Variants in UGT2A2 observed in about 807,000 individuals in gnomAD.
UGT2A2 encodes UDP-glucuronosyltransferase 2A2.
A neutral mutation model predicts 50.7 loss-of-function variants in UGT2A2; 60 were observed. That is an observed-to-expected ratio of 1.18 (90% CI 0.96 to 1.47). The LOEUF (loss-of-function observed/expected upper bound fraction) is 1.47. Among genes scored for constraint, UGT2A2 ranks in the 40% most tolerant of loss-of-function variants. UGT2A2 has a pLI of 0.00. For synonymous variants in UGT2A2, 242 were observed against 214.6 expected, an observed-to-expected ratio of 1.13 and a Z score of -1.11; for missense variants, 762 against 634.0, an observed-to-expected ratio of 1.20 and a Z score of -2.17.
At chr4:69,632,363 T>C (rs985214012) in intron 1 of UGT2A2, among the ~76,000 whole-genome samples, 1 of 152,148 alleles carries the variant, frequency 6.6e-6, no homozygotes, top group Non-Finnish European at 1.5e-5. Flanking sequence ...GGGAAATTCT[T>C]TTTTAGTTTA....
chr4:69,636,538 T>C (rs923193426), intron 1 of UGT2A2, among the ~76,000 whole-genome samples: 3 of 151,744 alleles, frequency 2.0e-5, no homozygotes, highest in African/African-American at 7.3e-5. Context: ...ATTATTATTT[T>C]GTAAAGGTGA....
At chr4:69,599,120 A>C (rs1719104241) in intron 2 of UGT2A2, 126 bp downstream of exon 2, 2 of 1,371,424 alleles carry the variant, frequency 1.5e-6, no homozygotes, top group Non-Finnish European at 9.6e-7. Context: ...TCACAAGGAA[A>C]ATAGATGTGG....
rs1449038283 is a variant in UGT2A2, at chr4:69,593,775, G to A, written c.1331+702C>T. The stretch of plus-strand genomic sequence containing the variant: ...AAAGGTATCGAATGGTATATACTCA[G>A]TGTGAATAGTTATTTCTGAATGCTT... On this transcript the variant is annotated intron_variant, in intron 5 of 5. Transcript: ENST00000604629. Among the ~76,000 whole-genome samples, 3 of 151,704 alleles carry A rather than the reference G, an allele frequency of 2.0e-5. No individual in the cohort carries two copies. The East Asian group carries it at 5.8e-4, about 29-fold the overall frequency.
chr4:69,599,257 G>A lies in UGT2A2; in HGVS notation c.880C>T (p.Pro294Ser). The change falls in exon 2 of 6, where the codon CCT becomes TCT. Residue 294 changes from proline (P) to serine (S), a missense_variant. By Grantham distance (74) the Pro-to-Ser change is moderately conservative. Transcript: ENST00000604629. ...TGTTGTAGACCTACCTTAGGTAAAG[G>A]TTTGGCAGGTTTGCAGTGCAATCCT... ...VGGLHCKPAK[P>S]LPKEMEEFIQ... 1 of 1,613,378 alleles carries A rather than the reference G, an allele frequency of 6.2e-7. No individual in the cohort carries two copies. The highest frequency in any genetic ancestry group is 8.5e-7 in the Non-Finnish European group (1 of 1,179,738).
At chr4:69,619,420 C>CATAAAATAAA (rs146525091) in intron 1 of UGT2A2, among the ~76,000 whole-genome samples, 2,021 of 149,390 alleles carry the variant, frequency 0.014, 16 homozygotes, top group African/African-American at 0.027. Context: ...TACATAAATA[C>CATAAAATAAA]ATAAAATAAA....
intron 1 of UGT2A2, chr4:69,599,597 AAGGAAGGG>A (rs1281492745): frequency 1.1e-5 from 8 of 724,966 alleles, no homozygotes; most frequent in Admixed American, 8.3e-5. Context: ...GAAAAGAAGG[AAGGAAGGG>A]AGGAAGGGAG....
At chr4:69,604,175 G>A (rs1176055109) in intron 1 of UGT2A2, among the ~76,000 whole-genome samples, 1 of 135,786 alleles carries the variant, frequency 7.4e-6, no homozygotes, top group Non-Finnish European at 1.6e-5. Context: ...GAGAAAGGTC[G>A]GGTTACCCAC....
In UGT2A2 at chr4:69,589,419, AAAAC is replaced by A. The variant is rs1560463269; in HGVS notation, c.1560_1563del (p.Leu520PhefsTer9). The A allele has an allele frequency of 6.2e-7, 1 of 1,613,722 alleles. No homozygotes were observed. The highest frequency in any genetic ancestry group is 8.5e-7 in the Non-Finnish European group (1 of 1,179,790). On this transcript the variant is annotated frameshift_variant, in exon 6 of 6. Transcript: ENST00000604629. LOFTEE classifies it high-confidence loss of function. ...CCTATCTTACCAAATTTTTGACAGG[AAAAC>A]AAACAACATTGTATGACCAAAAATA...
intron 2 of UGT2A2, among the ~76,000 whole-genome samples, chr4:69,596,838 A>T (rs1718961018): frequency 6.6e-6 from 1 of 152,180 alleles, no homozygotes; most frequent in Non-Finnish European, 1.5e-5. Flanking sequence ...AGTCTCCTTA[A>T]GAGGAAACAC....
chr4:69,602,278 C>T (rs890522099), intron 1 of UGT2A2, among the ~76,000 whole-genome samples: 1 of 136,558 alleles, frequency 7.3e-6, no homozygotes, highest in Non-Finnish European at 1.6e-5. Flanking sequence ...AATTTCTTTA[C>T]ACCAACAAAG....
chr4:69,609,582 G>T (rs930619474), intron 1 of UGT2A2, among the ~76,000 whole-genome samples: 5 of 152,070 alleles, frequency 3.3e-5, no homozygotes, highest in African/African-American at 4.8e-5. Flanking sequence ...ATAGTTTGCA[G>T]AACAATGGGA....
At chr4:69,608,335 C>T (rs1248966225) in intron 1 of UGT2A2, among the ~76,000 whole-genome samples, 2 of 148,046 alleles carry the variant, frequency 1.4e-5, no homozygotes, top group Admixed American at 7.0e-5. Context: ...AAAACAAACA[C>T]TGCATGTTCT....
At chr4:69,595,376 A>C (rs1718861913) in intron 3 of UGT2A2, 127 bp from the exon 4 acceptor site, 1 of 1,058,972 alleles carries the variant, frequency 9.4e-7, no homozygotes. Context: ...AGTAGTTTAC[A>C]AACGTTGAGA....
At chr4:69,608,120 C>T (rs1176892271) in intron 1 of UGT2A2, among the ~76,000 whole-genome samples, 16 of 152,072 alleles carry the variant, frequency 1.1e-4, no homozygotes, top group Non-Finnish European at 1.5e-4. Flanking sequence ...CCCATGCACA[C>T]GTATGTTTAT....
Position 69,599,231 on chromosome 4 carries a change from C to G in UGT2A2, c.891+15G>C. The G allele has an allele frequency of 6.3e-7, 1 of 1,593,956 alleles. No individual in the cohort carries two copies. Among genetic ancestry groups the G allele is most frequent in the African/African-American group, 1.4e-5 (1 of 73,624 alleles). On this transcript the variant is annotated intron_variant, in intron 2 of 5. Coordinates refer to ENST00000604629, the MANE Select transcript of UGT2A2 (RefSeq NM_001105677.2). Reference sequence around the variant, plus strand: ...ATTATGAAGAGCATAAAATCCTCCACTGTTGTAGACCTACCTTAGGTAAAG... The same window carrying G: ...ATTATGAAGAGCATAAAATCCTCCAGTGTTGTAGACCTACCTTAGGTAAAG...
intron 1 of UGT2A2, among the ~76,000 whole-genome samples, chr4:69,601,804 C>T (rs1450531129): frequency 2.0e-5 from 2 of 101,380 alleles, no homozygotes; most frequent in Non-Finnish European, 4.0e-5. Context: ...CATTCCCTAG[C>T]ACCAGTCTGG....
At position 69,639,238 on chromosome 4, in the gene UGT2A2, A is replaced by C. The variant is rs1238155299; in HGVS notation, c.403T>G (p.Cys135Gly). 5 of 1,613,696 alleles carry C rather than the reference A, an allele frequency of 3.1e-6. No homozygotes were observed. Residue 135 changes from cysteine to glycine, a missense_variant, in exon 1 of 6, where the codon TGT (cysteine) becomes GGT (glycine). Transcript: ENST00000604629. The stretch of plus-strand genomic sequence containing the variant: ...TTTGGGTTCTTTAGTACACCATCAC[A>C]GAGTTGTATGTTAATTTGAAAGAAA... Reference protein sequence around the residue: ...DTFFQINIQLCDGVLKNPKLM... With the variant: ...DTFFQINIQLGDGVLKNPKLM...
chr4:69,632,034 C>T (rs542037052), intron 1 of UGT2A2, among the ~76,000 whole-genome samples: 8 of 152,000 alleles, frequency 5.3e-5, no homozygotes, highest in Admixed American at 2.0e-4. Flanking sequence ...TTTCTTTATT[C>T]CTAAAATTGT....
At position 69,602,301 on chromosome 4, in the gene UGT2A2, A is replaced by C; in HGVS notation, c.743-2907T>G. On this transcript the variant is annotated intron_variant, in intron 1 of 5. Coordinates refer to ENST00000604629, the MANE Select transcript of UGT2A2 (RefSeq NM_001105677.2). ...TACACCAACAAAGGCACTCCAAACAAAAAAGTTTCATCAAATGTAACCTTT... is the reference window on the plus strand; with the variant it reads ...TACACCAACAAAGGCACTCCAAACACAAAAGTTTCATCAAATGTAACCTTT... Among the ~76,000 whole-genome samples the C allele has an allele frequency of 1.5e-5, 2 of 137,454 alleles. 1 individual carries two copies. The highest frequency in any genetic ancestry group is 3.1e-5 in the Non-Finnish European group (2 of 64,390). The allele number at this position is 137,454 out of a possible 152,430, so 90.2% of individuals were successfully genotyped here.
Sources: allele counts gnomAD v4.1 joint callset (sites outside exome capture counted in the v4.1 genomes callset), GRCh38; gene constraint gnomAD v4.1.1; transcripts MANE v1.5; gene names NCBI Gene and HGNC (gene_info 2026-07-23, HGNC 2026-07-21).